APPBP2: variants seen among roughly 807,000 people sequenced by gnomAD.
APPBP2 encodes the protein amyloid protein-binding protein 2.
In APPBP2, 15 loss-of-function variants were observed where a neutral mutation model predicts 76.0. The ratio of observed to expected loss-of-function variants is 0.20; its 90% confidence interval spans 0.13 to 0.30. The LOEUF is 0.30. Among genes scored for constraint, APPBP2 ranks in the 10% least tolerant of loss-of-function variants. The pLI is 1.00. For synonymous variants in APPBP2, 222 were observed against 242.2 expected, an observed-to-expected ratio of 0.92 and a Z score of 0.77; for missense variants, 401 against 687.2, an observed-to-expected ratio of 0.58 and a Z score of 4.66.
chr17:60,515,029 CCT>C (rs60904773), intron 1 of APPBP2, among the ~76,000 whole-genome samples: 6,483 of 151,814 alleles, frequency 0.043, 480 homozygotes, highest in African/African-American at 0.15. Flanking sequence ...GTGTTGAATT[CCT>C]GACCTCAAGT....
rs139131936 is a variant in APPBP2 at position 60,501,041 on chromosome 17, G to A, written c.139-554C>T. Among the ~76,000 whole-genome samples the A allele has an allele frequency of 3.3e-3, 499 of 152,266 alleles. 3 individuals carry two copies. The highest frequency in any genetic ancestry group is 0.011 in the African/African-American group (473 of 41,554). On this transcript the variant is annotated intron_variant, in intron 1 of 12. Transcript: ENST00000083182. The stretch of plus-strand genomic sequence containing the variant: ...TTAAAATAACATTTTAAGGCTGGGC[G>A]CTGTGGTTTGATCCTGTCATTCCAG...
At position 60,443,181 on chromosome 17, in the gene APPBP2, G is replaced by A. The variant is rs185870633; in HGVS notation, c.*4400C>T. The A allele has an allele frequency of 8.8e-4, 135 of 152,716 alleles. No homozygotes were observed. The highest frequency in any genetic ancestry group is 3.2e-3 in the African/African-American group (131 of 41,554). The allele number at this position is 152,716 out of a possible 1,614,324, so 9.5% of individuals were successfully genotyped here. A position where few individuals can be genotyped will look rare whatever the true frequency, so the allele number is the denominator to read the frequency against. On this transcript the variant is annotated 3_prime_UTR_variant, in exon 13 of 13. Coordinates refer to ENST00000083182, the MANE Select transcript of APPBP2 (RefSeq NM_006380.5). ...AATGCAGGAACACTATATTTATTAG[G>A]TCAATAATTCATTTTTAGCAATACA...
chr17:60,494,535 G>A lies in APPBP2; in HGVS notation c.310C>T (p.Arg104Trp), dbSNP rs773488287. ...TCTGATTCTGCTATATAAGAGCACC[G>A]CCTACTGAATGAGTAGGCCAAGACT... ...ASVLAYSFSR[R>W]CSYIAESDAA... Residue 104 changes from arginine to tryptophan, a missense_variant, in exon 3 of 13, where the codon CGG (arginine) becomes TGG (tryptophan). Physicochemically the swap from Arg to Trp is moderately radical, Grantham distance 101. Transcript: ENST00000083182. 7.4e-6 allele frequency: 12 copies of A among 1,612,176 alleles called. 1 individual carries two copies. Among genetic ancestry groups the A allele is most frequent in the South Asian group, 3.3e-5 (3 of 90,600 alleles).
chr17:60,500,363 T>C, intron 2 of APPBP2, 36 bp downstream of exon 2: 1 of 1,365,266 alleles, frequency 7.3e-7, no homozygotes, highest in Non-Finnish European at 1.0e-6. Context: ...AATTTTATGT[T>C]ATGTATATTT....
intron 1 of APPBP2, among the ~76,000 whole-genome samples, chr17:60,503,432 G>A (rs1177605327): frequency 1.4e-5 from 2 of 144,228 alleles, no homozygotes; most frequent in Admixed American, 6.7e-5. Flanking sequence ...TTGTTGCCCA[G>A]GCTGGAGTAC....
At chr17:60,522,522 T>C (rs1202825833) in intron 1 of APPBP2, among the ~76,000 whole-genome samples, 1 of 152,142 alleles carries the variant, frequency 6.6e-6, no homozygotes, top group Non-Finnish European at 1.5e-5. Flanking sequence ...AAGGGGTCTA[T>C]GTTGCCTAGG....
At chr17:60,493,059 G>A (rs2090743148) in intron 3 of APPBP2, among the ~76,000 whole-genome samples, 1 of 152,308 alleles carries the variant, frequency 6.6e-6, no homozygotes, top group African/African-American at 2.4e-5. Flanking sequence ...AGTCTCATGA[G>A]AGCTGATGGT....
intron 8 of APPBP2, 64 bp downstream of exon 8, chr17:60,461,746 C>A: frequency 7.9e-7 from 1 of 1,265,012 alleles, no homozygotes; most frequent in South Asian, 1.4e-5. Flanking sequence ...TTATACACCA[C>A]AAACAAATAC....
intron 12 of APPBP2, among the ~76,000 whole-genome samples, chr17:60,450,129 A>G (rs971237113): frequency 4.6e-5 from 7 of 151,932 alleles, no homozygotes; most frequent in African/African-American, 4.8e-5. Context: ...AAAAAGTGCT[A>G]TTCACAAAAG....
intron 9 of APPBP2, among the ~76,000 whole-genome samples, chr17:60,458,492 T>C (rs1469287864): frequency 6.6e-6 from 1 of 152,060 alleles, no homozygotes; most frequent in East Asian, 1.9e-4. Flanking sequence ...GGGAATATTC[T>C]TCATTCTTTC....
intron 4 of APPBP2, among the ~76,000 whole-genome samples, chr17:60,476,435 T>A (rs1173455399): frequency 6.6e-6 from 1 of 152,180 alleles, no homozygotes; most frequent in Admixed American, 6.5e-5. Context: ...TACCCCAAAT[T>A]TCTCTCTGCC....
chr17:60,460,488 T>C (rs1458701873), intron 9 of APPBP2, 175 bp downstream of exon 9: 1 of 574,270 alleles, frequency 1.7e-6, no homozygotes, highest in African/African-American at 1.9e-5. Flanking sequence ...CTGGTATGAT[T>C]TTAAATGACT....
At chr17:60,453,666 A>T (rs1358708602) in intron 11 of APPBP2, among the ~76,000 whole-genome samples, 1 of 151,008 alleles carries the variant, frequency 6.6e-6, no homozygotes, top group Non-Finnish European at 1.5e-5. Flanking sequence ...CAGCCTCTGG[A>T]GAAGCTGGGA....
chr17:60,497,365 A>AG (rs1386005895), intron 2 of APPBP2, among the ~76,000 whole-genome samples: 1 of 152,152 alleles, frequency 6.6e-6, no homozygotes, highest in East Asian at 1.9e-4. Context: ...TAACTGGGAG[A>AG]GGGGGGCAAA....
chr17:60,444,534 C>T lies in APPBP2; in HGVS notation c.*3047G>A, dbSNP rs1392290444. Reference sequence around the variant, plus strand: ...TTCCCAACAGGCTAGGAACAAAGGTCTTTCTCAAATTATTTTCACAAGTGA... The same window carrying T: ...TTCCCAACAGGCTAGGAACAAAGGTTTTTCTCAAATTATTTTCACAAGTGA... On this transcript the variant is annotated 3_prime_UTR_variant, in exon 13 of 13. Transcript: ENST00000083182. The T allele has an allele frequency of 6.6e-6, 1 of 151,906 alleles. No individual in the cohort carries two copies. Among genetic ancestry groups the T allele is most frequent in the African/African-American group, 2.4e-5 (1 of 41,334 alleles). 9.4% of individuals were successfully genotyped at this position (151,906 alleles called of 1,614,324 possible).
In APPBP2 at chr17:60,503,908, T is replaced by C. The variant is rs958791970; in HGVS notation, c.139-3421A>G. On this transcript the variant is annotated intron_variant, in intron 1 of 12. Coordinates refer to ENST00000083182, the MANE Select transcript of APPBP2 (RefSeq NM_006380.5). ...GCAGGAATCTTACCCAGGCAGTCTG[T>C]CCCTACATCCATGTTCTTAACAACT... Among the ~76,000 whole-genome samples, 6 of 130,568 alleles carry C rather than the reference T, an allele frequency of 4.6e-5. 1 individual carries two copies. The highest frequency in any genetic ancestry group is 2.4e-4 in the African/African-American group (5 of 21,264). 85.7% of individuals were successfully genotyped at this position (130,568 alleles called of 152,430 possible). A position where few individuals can be genotyped will look rare whatever the true frequency, so the allele number is the denominator to read the frequency against.
chr17:60,469,324 CA>C (rs1159684144), intron 4 of APPBP2, among the ~76,000 whole-genome samples: 962 of 53,098 alleles, frequency 0.018, 5 homozygotes, highest in Non-Finnish European at 0.027. Context: ...GACTCCATCT[CA>C]AAAAAAAAAA....
chr17:60,488,469 T>G (rs2090699424), intron 3 of APPBP2, among the ~76,000 whole-genome samples: 2 of 152,322 alleles, frequency 1.3e-5, no homozygotes, highest in Middle Eastern at 3.4e-3. Flanking sequence ...GGCAAATCTA[T>G]AGAGACAGAA....
intron 3 of APPBP2, among the ~76,000 whole-genome samples, chr17:60,491,014 T>C (rs949569872): frequency 6.6e-6 from 1 of 152,134 alleles, no homozygotes; most frequent in South Asian, 2.1e-4. Flanking sequence ...GGAGCTGCTA[T>C]AAAGATACCT....
Sources: allele counts gnomAD v4.1 joint callset (sites outside exome capture counted in the v4.1 genomes callset), GRCh38; gene constraint gnomAD v4.1.1; transcripts MANE v1.5; gene names NCBI Gene and HGNC (gene_info 2026-07-23, HGNC 2026-07-21).